PIAS4: variants seen among roughly 807,000 people sequenced by gnomAD.
PIAS4 encodes E3 SUMO-protein ligase PIAS4.
A neutral mutation model predicts 58.0 loss-of-function variants in PIAS4; 7 were observed. That is an observed-to-expected ratio of 0.12 (90% CI 0.07 to 0.23). The LOEUF (loss-of-function observed/expected upper bound fraction) is 0.23, where lower values mean the gene tolerates loss of function less well. PIAS4 is among the 10% of genes least tolerant of loss of function. The pLI is 1.00. For missense variants in PIAS4, 550 were observed against 709.5 expected (o/e 0.78, Z 2.55); for synonymous variants, 364 against 312.4 (o/e 1.17, Z -1.74).
At position 4,033,552 on chromosome 19, in the gene PIAS4, G is replaced by A; in HGVS notation, c.1114G>A (p.Ala372Thr). ...GATGTGCCCCGTGTGCGACAAGCCA[G>A]CCCCCTACGACCAGCTCATCATCGA... ...TWMCPVCDKPAPYDQLIIDGL... is the reference protein window; with the variant it reads ...TWMCPVCDKPTPYDQLIIDGL... Residue 372 changes from alanine to threonine, a missense_variant, in exon 9 of 11, where the codon GCC becomes ACC. Physicochemically the swap from Ala to Thr is moderately conservative, Grantham distance 58. Transcript: ENST00000262971. The A allele has an allele frequency of 1.9e-6, 3 of 1,609,476 alleles. No individual in the cohort carries two copies. Among genetic ancestry groups the A allele is most frequent in the South Asian group, 1.1e-5 (1 of 90,260 alleles).
intron 2 of PIAS4, among the ~76,000 whole-genome samples, chr19:4,014,553 C>G (rs2040032187): frequency 6.6e-6 from 1 of 152,146 alleles, no homozygotes; most frequent in Non-Finnish European, 1.5e-5. Flanking sequence ...TCCTGCCTCC[C>G]CTCCCCTGCC....
chr19:4,022,425 C>G (rs1373090286), intron 2 of PIAS4, among the ~76,000 whole-genome samples: 1 of 152,060 alleles, frequency 6.6e-6, no homozygotes, highest in African/African-American at 2.4e-5. Flanking sequence ...TCTTGGCTCA[C>G]TGCAAGCTTC....
chr19:4,018,614 G>C (rs564715523), intron 2 of PIAS4: 9 of 152,372 alleles, frequency 5.9e-5, no homozygotes, highest in African/African-American at 2.2e-4. Context: ...TGGTCCCGTG[G>C]CCTTGGATGC....
chr19:4,032,923 G>T (rs1219357519), intron 7 of PIAS4, among the ~76,000 whole-genome samples, 177 bp from the exon 8 acceptor site: 1 of 152,206 alleles, frequency 6.6e-6, no homozygotes, highest in Non-Finnish European at 1.5e-5. Context: ...TCTAATGGTG[G>T]TTGCCACCCG....
At chr19:4,035,241 G>A (rs1368596303) in intron 9 of PIAS4, among the ~76,000 whole-genome samples, 1 of 152,102 alleles carries the variant, frequency 6.6e-6, no homozygotes, top group African/African-American at 2.4e-5. Flanking sequence ...TGATGAGAAC[G>A]ATGCCACTGC....
At chr19:4,028,282 C>T in intron 4 of PIAS4, 95 bp downstream of exon 4, 8 of 1,077,518 alleles carry the variant, frequency 7.4e-6, no homozygotes, top group South Asian at 1.3e-5. Context: ...CTCAGTCTCC[C>T]CTGCTAACAG....
chr19:4,034,948 C>T (rs1020414671), intron 9 of PIAS4, among the ~76,000 whole-genome samples: 1 of 152,224 alleles, frequency 6.6e-6, no homozygotes, highest in Non-Finnish European at 1.5e-5. Context: ...GAGTCTTGTT[C>T]TTGGCCAGGG....
rs752435295 is a variant in PIAS4 at position 4,037,329 on chromosome 19, G to C, written c.1143-45G>C. 1.3e-6 allele frequency: 2 copies of C among 1,567,678 alleles called. No individual in the cohort carries two copies. The highest frequency in any genetic ancestry group is 1.2e-5 in the South Asian group (1 of 85,778). ...GATGGAGGGCTGGGGAGTTGGGGGGGTGGGGCACCTCCAGCCCCGGCGTCA... is the reference window on the plus strand; with the variant it reads ...GATGGAGGGCTGGGGAGTTGGGGGGCTGGGGCACCTCCAGCCCCGGCGTCA... On this transcript the variant is annotated intron_variant, in intron 9 of 10. Coordinates refer to ENST00000262971, the MANE Select transcript of PIAS4 (RefSeq NM_015897.4). The surrounding 1 kb of genome is among the most constrained non-coding windows in gnomAD (Gnocchi z 5.8).
Position 4,038,386 on chromosome 19 carries a change from AC to A in PIAS4, c.*512del, listed in dbSNP as rs2040326655. On this transcript the variant is annotated 3_prime_UTR_variant, in exon 11 of 11. Coordinates refer to ENST00000262971, the MANE Select transcript of PIAS4 (RefSeq NM_015897.4). This position sits in a 1 kb window ranked among gnomAD's most constrained non-coding sequence, Gnocchi z 4.1. ...AATGCATCCTCGCCCAGAGACCCTC[AC>A]GCGCCGAGCAGCGAGCGTTTTAGCC... is the stretch of plus-strand genomic sequence containing the variant. The A allele has an allele frequency of 7.2e-6, 1 of 139,764 alleles. No individual in the cohort carries two copies. The highest frequency in any genetic ancestry group is 1.6e-5 in the Non-Finnish European group (1 of 64,496). The allele number at this position is 139,764 out of a possible 1,614,324, so 8.7% of individuals were successfully genotyped here.
At chr19:4,030,391 G>A (rs543084459) in intron 7 of PIAS4, among the ~76,000 whole-genome samples, 3 of 151,906 alleles carry the variant, frequency 2.0e-5, no homozygotes, top group Non-Finnish European at 4.4e-5. Flanking sequence ...AGGCCGAGGC[G>A]GGCAGATCAT....
At chr19:4,026,673 A>C (rs1303759544) in intron 3 of PIAS4, among the ~76,000 whole-genome samples, 1 of 151,804 alleles carries the variant, frequency 6.6e-6, no homozygotes, top group African/African-American at 2.4e-5. Flanking sequence ...ATCACATACT[A>C]TGTGGCTTTC....
intron 3 of PIAS4, among the ~76,000 whole-genome samples, chr19:4,026,571 A>C (rs570731021): frequency 6.0e-5 from 2 of 33,428 alleles, no homozygotes; most frequent in Non-Finnish European, 2.2e-4. Flanking sequence ...AGTCATGTCC[A>C]TCCCCAGCAG....
chr19:4,018,640 A>G (rs1202141715), intron 2 of PIAS4: 1 of 152,224 alleles, frequency 6.6e-6, no homozygotes, highest in Non-Finnish European at 1.5e-5. Context: ...AGCCCACGAA[A>G]CCATCTCCCC....
rs904293396 is a variant in PIAS4, at chr19:4,022,471, A to G, written c.455-1565A>G. On this transcript the variant is annotated intron_variant, in intron 2 of 10. Coordinates refer to ENST00000262971, the MANE Select transcript of PIAS4 (RefSeq NM_015897.4). ...AAGCTCCGCCTCCCAGGTTCGCGCC[A>G]TTCTCCTGCCTCAGCCTCCCTAGTA... 1.1e-4 allele frequency among the ~76,000 whole-genome samples: 16 copies of G among 151,968 alleles called. No individual in the cohort carries two copies. In the South Asian group the frequency reaches 1.2e-3, roughly 12 times the overall value.
intron 2 of PIAS4, among the ~76,000 whole-genome samples, chr19:4,023,731 G>A (rs1233663839): frequency 6.6e-6 from 1 of 152,206 alleles, no homozygotes; most frequent in African/African-American, 2.4e-5. Context: ...CTCCCCGCCA[G>A]GCAGCTCGGC....
rs760851741 is a variant in PIAS4 at position 4,037,776 on chromosome 19, TGAG to T, written c.1446_1448del (p.Glu487del). The T allele has an allele frequency of 1.3e-4, 214 of 1,599,110 alleles. No individual in the cohort carries two copies. The highest frequency in any genetic ancestry group is 2.7e-4 in the African/African-American group (20 of 74,538). On this transcript the variant is annotated inframe_deletion, in exon 11 of 11. Coordinates refer to ENST00000262971, the MANE Select transcript of PIAS4 (RefSeq NM_015897.4). The surrounding 1 kb of genome is among the most constrained non-coding windows in gnomAD (Gnocchi z 5.8). ...TGGACAGCTCATCGTCCTCGGAGGA[TGAG>T]GAGGAGGAGGAAGAGGAGGAGGAAG...
At chr19:4,012,201 C>G (rs1420097501) in intron 1 of PIAS4, among the ~76,000 whole-genome samples, 6 of 151,930 alleles carry the variant, frequency 3.9e-5, no homozygotes, top group Non-Finnish European at 8.8e-5. Context: ...GAGGCCCCCA[C>G]AGGCCCAGCC....
intron 9 of PIAS4, among the ~76,000 whole-genome samples, chr19:4,034,083 T>G (rs940049595): frequency 6.6e-6 from 1 of 152,202 alleles, no homozygotes; most frequent in African/African-American, 2.4e-5. Flanking sequence ...GACAAGACCT[T>G]TCTCCCTGGT....
intron 2 of PIAS4, among the ~76,000 whole-genome samples, chr19:4,022,087 CAACTTCCTTAACAGGTAAAGAGCTTTTCA>C (rs1208728936): frequency 6.6e-6 from 1 of 152,120 alleles, no homozygotes; most frequent in African/African-American, 2.4e-5. Flanking sequence ...ATTATGGATC[CAACTTCCTTAACAGGTAAAGAGCTTTTCA>C]AACTTCCTGT....
Sources: allele counts gnomAD v4.1 joint callset (sites outside exome capture counted in the v4.1 genomes callset), GRCh38; gene constraint gnomAD v4.1.1; non-coding constraint Gnocchi (gnomAD v3.1); transcripts MANE v1.5; gene names NCBI Gene and HGNC (gene_info 2026-07-23, HGNC 2026-07-21).